DMXL1: variants seen among roughly 807,000 people sequenced by gnomAD.
DMXL1 encodes the protein Dmx like 1, also known as dmX-like protein 1.
In DMXL1, 99 loss-of-function variants were observed where a neutral mutation model predicts 319.2. The observed-to-expected ratio is 0.31, with a 90% CI of 0.26 to 0.37. The LOEUF (loss-of-function observed/expected upper bound fraction) is 0.37. Among genes scored for constraint, DMXL1 ranks in the 10% least tolerant of loss-of-function variants. The pLI is 1.00. For synonymous variants in DMXL1, 1,385 were observed against 1,235.2 expected (o/e 1.12, Z -2.54); for missense variants, 3,745 against 3,595.6 (o/e 1.04, Z -1.06).
At chr5:119,123,370 AGAGGGAGAGGGAGAG>A (rs1481294402) in intron 9 of DMXL1, among the ~76,000 whole-genome samples, 8 of 30,266 alleles carry the variant, frequency 2.6e-4, no homozygotes, top group African/African-American at 5.6e-4. Context: ...GAGAGGAGGG[AGAGGGAGAGGGAGAG>A]GAGGGAGAGG....
Position 119,147,485 on chromosome 5 carries a change from T to C in DMXL1, c.2911+15T>C, listed in dbSNP as rs1768836037. 1.3e-6 allele frequency: 2 copies of C among 1,585,710 alleles called. No individual in the cohort carries two copies. The highest frequency in any genetic ancestry group is 8.7e-7 in the Non-Finnish European group (1 of 1,155,532). On this transcript the variant is annotated intron_variant, in intron 17 of 43. Coordinates refer to ENST00000539542, the MANE Select transcript of DMXL1 (RefSeq NM_001290321.3). ...GCCATCAGCAGGTTTGTAAATTTTA[T>C]GAAAAGAGACTAATTTTGTAACACA... is the stretch of plus-strand genomic sequence containing the variant.
intron 3 of DMXL1, 51 bp downstream of exon 3, chr5:119,102,057 G>T (rs1446664270): frequency 1.7e-6 from 2 of 1,188,784 alleles, no homozygotes; most frequent in Non-Finnish European, 1.2e-6. Flanking sequence ...TTTAAGTATT[G>T]AAAGAGTGTA....
At chr5:119,122,558 C>T (rs931291979) in intron 9 of DMXL1, among the ~76,000 whole-genome samples, 10 of 150,272 alleles carry the variant, frequency 6.7e-5, no homozygotes, top group African/African-American at 1.5e-4. Context: ...GGGCGGCTGC[C>T]GGGCGGAGGG....
intron 36 of DMXL1, 47 bp from the exon 37 acceptor site, chr5:119,220,889 AAAAG>A (rs1362901446): frequency 1.9e-6 from 3 of 1,583,118 alleles, no homozygotes; most frequent in East Asian, 2.2e-5. Context: ...TCAAGTGTAA[AAAAG>A]AAAGAAATGA....
intron 34 of DMXL1, among the ~76,000 whole-genome samples, chr5:119,214,449 T>C (rs78869850): frequency 0.031 from 4,781 of 152,282 alleles, 113 homozygotes; most frequent in Non-Finnish European, 0.042. Context: ...GCCTGGCTTT[T>C]CAAAATCCAC....
chr5:119,096,365 G>A (rs1020613526), intron 1 of DMXL1, among the ~76,000 whole-genome samples: 2 of 151,928 alleles, frequency 1.3e-5, no homozygotes, highest in African/African-American at 2.4e-5. Context: ...TAGTAGAGAC[G>A]GGGTTTCTGC....
intron 13 of DMXL1, among the ~76,000 whole-genome samples, chr5:119,136,766 A>G (rs547916554): frequency 7.9e-4 from 121 of 152,380 alleles, no homozygotes; most frequent in African/African-American, 2.6e-3. Context: ...GCCTGTGGGT[A>G]TGCAGAAGAT....
intron 1 of DMXL1, among the ~76,000 whole-genome samples, chr5:119,087,352 C>T (rs940026173): frequency 1.4e-4 from 21 of 151,746 alleles, no homozygotes; most frequent in Admixed American, 8.5e-4. Flanking sequence ...TTGCTGTATC[C>T]TATAGATTCT....
At chr5:119,083,146 G>C (rs1429620060) in intron 1 of DMXL1, among the ~76,000 whole-genome samples, 1 of 151,946 alleles carries the variant, frequency 6.6e-6, no homozygotes, top group African/African-American at 2.4e-5. Context: ...CAGTAGCTGT[G>C]ATTACAGGCA....
rs866601859 is a variant in DMXL1 at position 119,122,925 on chromosome 5, C to G, written c.1102+1786C>G. 1.2e-4 allele frequency among the ~76,000 whole-genome samples: 19 copies of G among 152,294 alleles called. 1 individual carries two copies. Among genetic ancestry groups the G allele is most frequent in the Middle Eastern group, 3.4e-3 (1 of 294 alleles). On this transcript the variant is annotated intron_variant, in intron 9 of 43. Coordinates refer to ENST00000539542, the MANE Select transcript of DMXL1 (RefSeq NM_001290321.3). ...GTGGCGGCCGGGCAGAGGCTGCAAT[C>G]TCGGCACTTTGGGAGGCCAAGGCAG...
chr5:119,147,204 G>C, intron 16 of DMXL1, 45 bp from the exon 17 acceptor site: 2 of 1,510,196 alleles, frequency 1.3e-6, no homozygotes, highest in Non-Finnish European at 1.8e-6. Flanking sequence ...AATATTTATA[G>C]GGTTCCCCTG....
intron 32 of DMXL1, among the ~76,000 whole-genome samples, chr5:119,202,868 T>C (rs1037298156): frequency 5.5e-5 from 6 of 109,760 alleles, no homozygotes; most frequent in African/African-American, 1.3e-4. Context: ...TACATACATA[T>C]ATATATATAT....
At chr5:119,152,316 C>T (rs569836122) in intron 19 of DMXL1, among the ~76,000 whole-genome samples, 1 of 152,130 alleles carries the variant, frequency 6.6e-6, no homozygotes, top group South Asian at 2.1e-4. Flanking sequence ...AGTATTGTTT[C>T]ATTTTCTTTA....
At chr5:119,084,881 A>G (rs1382983280) in intron 1 of DMXL1, among the ~76,000 whole-genome samples, 1 of 150,500 alleles carries the variant, frequency 6.6e-6, no homozygotes, top group African/African-American at 2.4e-5. Context: ...AAAAAAAAAA[A>G]GATCCTAAAA....
chr5:119,164,723 G>T, intron 20 of DMXL1, 47 bp downstream of exon 20: 1 of 1,499,076 alleles, frequency 6.7e-7, no homozygotes, highest in Non-Finnish European at 9.0e-7. Context: ...TTTTTTGGAC[G>T]TTTCTTTAAA....
intron 34 of DMXL1, among the ~76,000 whole-genome samples, chr5:119,207,675 C>T (rs1781997127): frequency 6.6e-6 from 1 of 152,114 alleles, no homozygotes; most frequent in South Asian, 2.1e-4. Context: ...CCCACCACCA[C>T]ACCTGGCTAA....
At chr5:119,124,858 C>T (rs901428141) in intron 9 of DMXL1, among the ~76,000 whole-genome samples, 1 of 152,118 alleles carries the variant, frequency 6.6e-6, no homozygotes, top group East Asian at 1.9e-4. Context: ...TGAGTCACTG[C>T]ACCCAACCAA....
chr5:119,086,318 A>G (rs1753354883), intron 1 of DMXL1, among the ~76,000 whole-genome samples: 1 of 152,208 alleles, frequency 6.6e-6, no homozygotes, highest in Non-Finnish European at 1.5e-5. Flanking sequence ...AGTACCATTC[A>G]AGATGAGATT....
At chr5:119,076,171 C>G (rs1185747386) in intron 1 of DMXL1, among the ~76,000 whole-genome samples, 1 of 152,052 alleles carries the variant, frequency 6.6e-6, no homozygotes. Context: ...TGTTATAGCT[C>G]CAATTTCCCT....
Sources: allele counts gnomAD v4.1 joint callset (sites outside exome capture counted in the v4.1 genomes callset), GRCh38; gene constraint gnomAD v4.1.1; transcripts MANE v1.5; gene names NCBI Gene and HGNC (gene_info 2026-07-23, HGNC 2026-07-21).